Variants in FBLN2 observed in about 807,000 individuals in gnomAD.
The protein encoded by FBLN2 is fibulin-2.
In FBLN2, 81 loss-of-function variants were observed where a neutral mutation model predicts 123.7. That is an observed-to-expected ratio of 0.65 (90% CI 0.55 to 0.79). FBLN2 has a LOEUF of 0.79. Among genes scored for constraint, FBLN2 ranks in the 30% least tolerant of loss-of-function variants. The pLI, the probability that FBLN2 is intolerant of heterozygous loss-of-function variation, is 0.00. For missense variants in FBLN2, 1,603 were observed against 1,681.3 expected, an observed-to-expected ratio of 0.95 and a Z score of 0.81; for synonymous variants, 699 against 701.4, an observed-to-expected ratio of 1.00 and a Z score of 0.05.
At position 13,631,426 on chromosome 3, in the gene FBLN2, C is replaced by T; in HGVS notation, c.3183C>T (p.Tyr1061=). The change falls in exon 16 of 18, where the codon TAC becomes TAT. Residue 1061 remains tyrosine, a synonymous_variant. Coordinates refer to ENST00000404922, the MANE Select transcript of FBLN2 (RefSeq NM_001004019.2). ...SYQCACPEQG[Y]TMTANGRSCK... ...AGTGTGCATGCCCTGAGCAGGGCTA[C>T]ACCATGACGGCCAACGGGAGGTCCT... is the stretch of plus-strand genomic sequence containing the variant. 3 of 1,598,450 alleles carry T rather than the reference C, an allele frequency of 1.9e-6. No homozygotes were observed. Among genetic ancestry groups the T allele is most frequent in the Non-Finnish European group, 2.6e-6 (3 of 1,172,664 alleles).
At chr3:13,555,348 G>A (rs9815042) in intron 1 of FBLN2, among the ~76,000 whole-genome samples, 59 of 152,180 alleles carry the variant, frequency 3.9e-4, no homozygotes, top group African/African-American at 1.4e-3. Flanking sequence ...AAATAAATAT[G>A]GCACTAAAAA....
chr3:13,578,469 TG>T lies in FBLN2; in HGVS notation c.1306+6809del, dbSNP rs1390279974. On this transcript the variant is annotated intron_variant, in intron 2 of 17. Transcript: ENST00000404922. ...ATCATGCACTATGTGGTTTCTAGTG[TG>T]TGACTCTTTCACTTAGCACGATGTT... 4.6e-5 allele frequency among the ~76,000 whole-genome samples: 7 copies of T among 152,244 alleles called. No homozygotes were observed. In the East Asian group the frequency reaches 1.3e-3, roughly 29 times the overall value.
chr3:13,570,491 G>A lies in FBLN2; in HGVS notation c.136G>A (p.Glu46Lys). 1 of 1,584,902 alleles carries A rather than the reference G, an allele frequency of 6.3e-7. No individual in the cohort carries two copies. The highest frequency in any genetic ancestry group is 8.6e-7 in the Non-Finnish European group (1 of 1,166,712). Residue 46 changes from glutamate to lysine, a missense_variant, in exon 2 of 18, where the codon GAG becomes AAG. By Grantham distance (56) the Glu-to-Lys change is moderately conservative (BLOSUM62 1). Coordinates refer to ENST00000404922, the MANE Select transcript of FBLN2 (RefSeq NM_001004019.2). Reference sequence around the variant, plus strand: ...GTGCCCGCCGCTGGAGAACTGCATTGAGGAGGCGCTGGAGCCGGGTGCCTG... The same window carrying A: ...GTGCCCGCCGCTGGAGAACTGCATTAAGGAGGCGCTGGAGCCGGGTGCCTG... ...VECPPLENCI[E>K]EALEPGACCA... is the part of the protein sequence containing the mutation.
chr3:13,587,139 C>T (rs1256408636), intron 2 of FBLN2, among the ~76,000 whole-genome samples: 3 of 126,388 alleles, frequency 2.4e-5, no homozygotes, highest in East Asian at 2.2e-4. Context: ...AGCGAGACTC[C>T]GTCTCAAAAA....
Position 13,570,499 on chromosome 3 carries a change from G to T in FBLN2, c.144G>T (p.Ala48=), listed in dbSNP as rs759254847. 6.3e-7 allele frequency: 1 copy of T among 1,584,640 alleles called. No homozygotes were observed. The highest frequency in any genetic ancestry group is 8.6e-7 in the Non-Finnish European group (1 of 1,166,452). Residue 48 remains alanine (A), a synonymous_variant, in exon 2 of 18, where the codon GCG becomes GCT. Coordinates refer to ENST00000404922, the MANE Select transcript of FBLN2 (RefSeq NM_001004019.2). The part of the protein sequence containing the change: ...CPPLENCIEE[A]LEPGACCATC... ...CGCTGGAGAACTGCATTGAGGAGGC[G>T]CTGGAGCCGGGTGCCTGCTGTGCCA... is the stretch of plus-strand genomic sequence containing the variant.
At chr3:13,561,352 C>T (rs1434332114) in intron 1 of FBLN2, among the ~76,000 whole-genome samples, 1 of 152,214 alleles carries the variant, frequency 6.6e-6, no homozygotes, top group Non-Finnish European at 1.5e-5. Context: ...GCTGAGGTCC[C>T]TGGGCCCCGG....
chr3:13,570,996 G>T lies in FBLN2; in HGVS notation c.641G>T (p.Gly214Val), dbSNP rs111462798. 14 of 1,605,516 alleles carry T rather than the reference G, an allele frequency of 8.7e-6. No homozygotes were observed. In the African/African-American group the frequency reaches 1.9e-4, roughly 21 times the overall value. The part of the protein sequence containing the change: ...AEVEAATALG[G>V]EVQAGAVQAG... Reference sequence around the variant, plus strand: ...GTGGAAGCAGCAACAGCCCTGGGGGGTGAGGTCCAGGCGGGTGCAGTCCAG... The same window carrying T: ...GTGGAAGCAGCAACAGCCCTGGGGGTTGAGGTCCAGGCGGGTGCAGTCCAG... The change falls in exon 2 of 18, where the codon GGT (glycine) becomes GTT (valine). Residue 214 changes from glycine to valine, a missense_variant. By Grantham distance (109) the Gly-to-Val change is moderately radical (BLOSUM62 -3). Coordinates refer to ENST00000404922, the MANE Select transcript of FBLN2 (RefSeq NM_001004019.2).
At chr3:13,622,115 T>A (rs1705875259) in intron 9 of FBLN2, among the ~76,000 whole-genome samples, 200 bp downstream of exon 9, 1 of 152,200 alleles carries the variant, frequency 6.6e-6, no homozygotes, top group Non-Finnish European at 1.5e-5. Flanking sequence ...ACCCGGAGGC[T>A]GCTTTCCCCA....
intron 1 of FBLN2, among the ~76,000 whole-genome samples, chr3:13,551,083 C>T (rs545618896): frequency 5.3e-5 from 8 of 152,224 alleles, no homozygotes; most frequent in Non-Finnish European, 1.0e-4. Flanking sequence ...CCCCACCTGG[C>T]CCTCTCATGC....
At chr3:13,549,683 AC>A (rs1703271050) in intron 1 of FBLN2, among the ~76,000 whole-genome samples, 1 of 140,050 alleles carries the variant, frequency 7.1e-6, no homozygotes, top group South Asian at 2.3e-4. Flanking sequence ...CCCCTCCATC[AC>A]CCCCAAGTCA....
chr3:13,555,962 G>T (rs1348104164), intron 1 of FBLN2, among the ~76,000 whole-genome samples: 1 of 152,200 alleles, frequency 6.6e-6, no homozygotes, highest in Non-Finnish European at 1.5e-5. Context: ...AGTCCCCTGT[G>T]GTAGGGGCGT....
At chr3:13,631,268 G>A (rs911948548) in intron 15 of FBLN2, 61 bp from the exon 16 acceptor site, 7 of 1,567,736 alleles carry the variant, frequency 4.5e-6, no homozygotes, top group African/African-American at 1.3e-5. Context: ...CAGGCTGACT[G>A]TCAGTGGCTG....
chr3:13,558,037 C>T (rs1703506803), intron 1 of FBLN2, among the ~76,000 whole-genome samples: 1 of 152,194 alleles, frequency 6.6e-6, no homozygotes, highest in African/African-American at 2.4e-5. Context: ...ACACTGGCCG[C>T]CTCACTGGCA....
intron 17 of FBLN2, 120 bp downstream of exon 17, chr3:13,636,688 T>G: frequency 8.0e-7 from 1 of 1,247,094 alleles, no homozygotes; most frequent in Non-Finnish European, 1.1e-6. Context: ...AGCCCCTGAC[T>G]GCTGGGTCTG....
chr3:13,611,001 G>T (rs548438262), intron 4 of FBLN2, among the ~76,000 whole-genome samples: 17 of 152,062 alleles, frequency 1.1e-4, no homozygotes, highest in African/African-American at 4.1e-4. Context: ...CCACCTCCCG[G>T]GTTCAAGCAA....
In FBLN2 at chr3:13,627,824, C is replaced by T. The variant is rs771370509; in HGVS notation, c.2432-8C>T. On this transcript the variant is annotated splice_region_variant and splice_polypyrimidine_tract_variant and intron_variant, in intron 10 of 17. Transcript: ENST00000404922. ...CCCAGCCCTTGACACCCAGCCTCTC[C>T]GCTGCAGACGTGGATGAGTGTGCGA... 2.5e-5 allele frequency: 40 copies of T among 1,611,004 alleles called. No homozygotes were observed. The highest frequency in any genetic ancestry group is 6.6e-5 in the South Asian group (6 of 90,662).
intron 2 of FBLN2, among the ~76,000 whole-genome samples, chr3:13,573,498 C>T (rs1407350929): frequency 6.6e-6 from 1 of 152,166 alleles, no homozygotes. Flanking sequence ...GTCTCTATCT[C>T]CTCCTCAAAG....
intron 7 of FBLN2, 67 bp from the exon 8 acceptor site, chr3:13,619,663 G>C: frequency 7.5e-7 from 1 of 1,334,300 alleles, no homozygotes; most frequent in South Asian, 1.3e-5. Flanking sequence ...GCCAGGGATG[G>C]GGAATGAGCC....
rs564070692 is a variant in FBLN2, at chr3:13,550,264, G to A, written c.-42+1056G>A. 3.4e-4 allele frequency among the ~76,000 whole-genome samples: 52 copies of A among 152,304 alleles called. No homozygotes were observed. The East Asian group carries it at 8.7e-3, about 25-fold the overall frequency. On this transcript the variant is annotated intron_variant, in intron 1 of 17. Coordinates refer to ENST00000404922, the MANE Select transcript of FBLN2 (RefSeq NM_001004019.2). ...TTACCATGGGACCTGGGTGGCTGTGGGGAGCATGGGGGTGGCTCAGCCTCA... is the reference window on the plus strand; with the variant it reads ...TTACCATGGGACCTGGGTGGCTGTGAGGAGCATGGGGGTGGCTCAGCCTCA...
Sources: allele counts gnomAD v4.1 joint callset (sites outside exome capture counted in the v4.1 genomes callset), GRCh38; gene constraint gnomAD v4.1.1; transcripts MANE v1.5; gene names NCBI Gene and HGNC (gene_info 2026-07-23, HGNC 2026-07-21).